Variants in EIF2B3 observed in about 807,000 individuals in gnomAD.
EIF2B3 encodes eukaryotic translation initiation factor 2B subunit gamma.
Under a neutral mutation model 54.1 loss-of-function variants are expected in EIF2B3, and 20 were observed. The observed-to-expected ratio is 0.37, with a 90% CI of 0.26 to 0.54. The LOEUF is 0.54. Ranked by LOEUF, EIF2B3 falls within the 20% of genes least tolerant of loss-of-function variation. The pLI, the probability that EIF2B3 is intolerant of heterozygous loss-of-function variation, is 0.86. For synonymous variants in EIF2B3, 153 were observed against 188.1 expected (o/e 0.81, Z 1.52); for missense variants, 448 against 547.8 (o/e 0.82, Z 1.82).
intron 5 of EIF2B3, among the ~76,000 whole-genome samples, chr1:44,915,522 C>CG (rs879859632): frequency 9.2e-5 from 14 of 151,744 alleles, no homozygotes; most frequent in African/African-American, 2.9e-4. Context: ...CTGCCATGCC[C>CG]AGCGAATTAA....
intron 3 of EIF2B3, among the ~76,000 whole-genome samples, chr1:44,949,270 A>C (rs1347829188): frequency 6.6e-6 from 1 of 152,212 alleles, no homozygotes; most frequent in Non-Finnish European, 1.5e-5. Flanking sequence ...GTCTTGTCAC[A>C]GTTACTAGAA....
chr1:44,858,504 G>A (rs114629261), intron 10 of EIF2B3, among the ~76,000 whole-genome samples: 23 of 152,038 alleles, frequency 1.5e-4, no homozygotes, highest in Non-Finnish European at 2.4e-4. Flanking sequence ...ATAGGGTCTC[G>A]GATTACCCAG....
rs752434700 is a variant in EIF2B3 at position 44,926,697 on chromosome 1, C to T, written c.497G>A (p.Arg166Lys). Residue 166 changes from arginine to lysine, a missense_variant, in exon 5 of 12, where the codon AGG becomes AAG. Around this residue, in one of 3 missense-constraint regions of EIF2B3, gnomAD observed 350 missense variants for 414.2 expected, o/e 0.85. Transcript: ENST00000360403. ...DFIGVDSTGK[R>K]LLFMANEADL... Reference sequence around the variant, plus strand: ...TGCTTCATTAGCCATGAAGAGCAGCCTCTTTCCTGTGCTGTCCACTCCAAT... The same window carrying T: ...TGCTTCATTAGCCATGAAGAGCAGCTTCTTTCCTGTGCTGTCCACTCCAAT... 8.1e-6 allele frequency: 13 copies of T among 1,613,942 alleles called. No homozygotes were observed. In the East Asian group the frequency reaches 2.7e-4, roughly 33 times the overall value.
intron 6 of EIF2B3, among the ~76,000 whole-genome samples, chr1:44,894,179 G>A (rs2148912938): frequency 6.6e-6 from 1 of 152,316 alleles, no homozygotes; most frequent in South Asian, 2.1e-4. Flanking sequence ...ACAATACTCA[G>A]ACTAAGATCT....
intron 10 of EIF2B3, among the ~76,000 whole-genome samples, chr1:44,861,752 G>A (rs537927696): frequency 6.6e-5 from 10 of 152,268 alleles, no homozygotes; most frequent in Admixed American, 2.0e-4. Flanking sequence ...GTGGGGTGAC[G>A]GATGGAAAGC....
chr1:44,959,627 T>C (rs1644263881), intron 3 of EIF2B3, among the ~76,000 whole-genome samples: 2 of 152,226 alleles, frequency 1.3e-5, no homozygotes, highest in Non-Finnish European at 2.9e-5. Context: ...ATCTTTTATC[T>C]AGATACGACT....
chr1:44,946,645 T>G (rs1477158224), intron 3 of EIF2B3, among the ~76,000 whole-genome samples: 2 of 142,462 alleles, frequency 1.4e-5, no homozygotes, highest in Non-Finnish European at 3.1e-5. Context: ...TTTTTTTTTG[T>G]AGAGACGGGA....
intron 3 of EIF2B3, among the ~76,000 whole-genome samples, chr1:44,965,152 T>C: frequency 6.6e-6 from 1 of 152,068 alleles, no homozygotes; most frequent in South Asian, 2.1e-4. Context: ...TTCCCTCCAC[T>C]TAGAGAAAGA....
At position 44,962,618 on chromosome 1, in the gene EIF2B3, T is replaced by C. The variant is rs138245577; in HGVS notation, c.294+15697A>G. 3.8e-4 allele frequency among the ~76,000 whole-genome samples: 58 copies of C among 152,256 alleles called. No individual in the cohort carries two copies. In the Middle Eastern group the frequency reaches 0.024, roughly 63 times the overall value. On this transcript the variant is annotated intron_variant, in intron 3 of 11. Transcript: ENST00000360403. ...GTAGCGATGAGGGAGTCTCACCATC[T>C]TGCCCAGGTTGGCCTCAAACTCCTG...
intron 10 of EIF2B3, among the ~76,000 whole-genome samples, chr1:44,872,182 G>A (rs1457698391): frequency 1.3e-5 from 2 of 152,144 alleles, no homozygotes; most frequent in Non-Finnish European, 2.9e-5. Flanking sequence ...ACTGATGTAT[G>A]CCACCACTCC....
intron 6 of EIF2B3, among the ~76,000 whole-genome samples, chr1:44,891,783 G>A (rs1035381675): frequency 6.6e-6 from 1 of 152,146 alleles, no homozygotes; most frequent in Admixed American, 6.5e-5. Context: ...ACAGTTATAT[G>A]TACTGCTTTT....
At chr1:44,914,881 G>A (rs1044681383) in intron 5 of EIF2B3, among the ~76,000 whole-genome samples, 9 of 152,196 alleles carry the variant, frequency 5.9e-5, no homozygotes, top group Middle Eastern at 3.4e-3. Flanking sequence ...GTAGAGATGC[G>A]GTTTCAACCG....
chr1:44,942,377 T>TTTTTTATATATATATATATATATA (rs1318229963), intron 3 of EIF2B3, among the ~76,000 whole-genome samples: 1 of 21,586 alleles, frequency 4.6e-5, no homozygotes, highest in African/African-American at 3.0e-4. Context: ...CTTTCTGATT[T>TTTTTTATATATATATATATATATA]TATATATATA....
chr1:44,850,604 A>ATACT lies in EIF2B3; in HGVS notation c.*343_*346dup. 1 of 360,340 alleles carries ATACT rather than the reference A, an allele frequency of 2.8e-6. No individual in the cohort carries two copies. The highest frequency in any genetic ancestry group is 5.2e-6 in the Non-Finnish European group (1 of 193,826). 22.3% of individuals were successfully genotyped at this position (360,340 alleles called of 1,614,324 possible). On this transcript the variant is annotated 3_prime_UTR_variant, in exon 12 of 12. Coordinates refer to ENST00000360403, the MANE Select transcript of EIF2B3 (RefSeq NM_020365.5). The stretch of plus-strand genomic sequence containing the variant: ...ACTCCCAGGTCCTTTTAGGTGAGGG[A>ATACT]TACTTTCAGGACTGGGTTGGGTCAG...
At chr1:44,928,971 A>G (rs1050150984) in intron 4 of EIF2B3, among the ~76,000 whole-genome samples, 1 of 152,256 alleles carries the variant, frequency 6.6e-6, no homozygotes, top group African/African-American at 2.4e-5. Context: ...ATGTTAGAGC[A>G]AGTTACTTAA....
At chr1:44,961,590 G>T (rs1644285497) in intron 3 of EIF2B3, among the ~76,000 whole-genome samples, 1 of 152,126 alleles carries the variant, frequency 6.6e-6, no homozygotes, top group Admixed American at 6.6e-5. Context: ...GAAGTGGGAA[G>T]ATCGCCTTGT....
At chr1:44,975,381 A>G (rs1281172621) in intron 3 of EIF2B3, among the ~76,000 whole-genome samples, 1 of 151,882 alleles carries the variant, frequency 6.6e-6, no homozygotes, top group Non-Finnish European at 1.5e-5. Flanking sequence ...TTGTGCGAAC[A>G]TCATAGAATG....
intron 5 of EIF2B3, among the ~76,000 whole-genome samples, chr1:44,902,958 C>A (rs1393497422): frequency 1.3e-5 from 2 of 151,668 alleles, no homozygotes; most frequent in African/African-American, 2.4e-5. Flanking sequence ...TTTATTTACC[C>A]AAGTTTGTTC....
intron 5 of EIF2B3, among the ~76,000 whole-genome samples, chr1:44,898,362 C>T (rs80252369): frequency 0.015 from 2,253 of 152,270 alleles, 65 homozygotes; most frequent in African/African-American, 0.052. Flanking sequence ...ACTTGTCTCT[C>T]TCTCTCCCAC....
Sources: gnomAD v4.1 joint callset for allele counts (sites outside exome capture counted in the v4.1 genomes callset) on GRCh38, gnomAD v4.1.1 for gene constraint, gnomAD v4.1.1 regional missense constraint, MANE v1.5 for transcripts, NCBI Gene and HGNC (gene_info 2026-07-23, HGNC 2026-07-21) for gene names.